The following TBR1 variants were observed in gnomAD, a reference collection of about 807,000 sequenced individuals.
The protein encoded by TBR1 is T-box brain protein 1.
In TBR1, 7 loss-of-function variants were observed where a neutral mutation model predicts 60.3. The observed-to-expected ratio is 0.12, with a 90% CI of 0.07 to 0.22. The LOEUF (loss-of-function observed/expected upper bound fraction) is 0.22, where lower values mean the gene tolerates loss of function less well. TBR1 is among the 10% of genes least tolerant of loss of function. TBR1 has a pLI of 1.00. For missense variants in TBR1, 616 were observed against 936.8 expected (o/e 0.66, Z 4.47); for synonymous variants, 417 against 409.9 (o/e 1.02, Z -0.21).
At chr2:161,418,803 CCCGGGCGCGCAG>C in intron 3 of TBR1, 77 bp from the exon 4 acceptor site, 1 of 1,502,980 alleles carries the variant, frequency 6.7e-7, no homozygotes, top group Admixed American at 2.2e-5. Context: ...CCTCCGCCGG[CCCGGGCGCGCAG>C]CCGGGCGCAC....
At chr2:161,421,050 T>C (rs1684223849) in intron 5 of TBR1, 1 of 152,258 alleles carries the variant, frequency 6.6e-6, no homozygotes, top group South Asian at 2.1e-4. Context: ...GTAAACTGAA[T>C]GCTTTCTGGG....
At chr2:161,420,417 T>TA in intron 5 of TBR1, 160 bp downstream of exon 5, 7 of 207,214 alleles carry the variant, frequency 3.4e-5, no homozygotes, top group East Asian at 6.9e-5. Flanking sequence ...TTCTTCCTCT[T>TA]CTTTTTTTTT....
At chr2:161,419,191 T>A in intron 4 of TBR1, 141 bp downstream of exon 4, 1 of 1,285,216 alleles carries the variant, frequency 7.8e-7, no homozygotes, top group South Asian at 1.4e-5. Flanking sequence ...TTTTAAGGCT[T>A]AGGGCTCGGG....
In TBR1 at chr2:161,423,704, A is replaced by G; in HGVS notation, c.1526A>G (p.Asn509Ser). The G allele has an allele frequency of 6.5e-7, 1 of 1,534,718 alleles. No homozygotes were observed. The highest frequency in any genetic ancestry group is 1.4e-5 in the African/African-American group (1 of 70,452). Residue 509 changes from asparagine (N) to serine (S), a missense_variant, in exon 6 of 6, where the codon AAC becomes AGC. Around this residue, in one of 8 missense-constraint regions of TBR1, gnomAD observed 210 missense variants for 297.4 expected, o/e 0.71. Coordinates refer to ENST00000389554, the MANE Select transcript of TBR1 (RefSeq NM_006593.4). ...AYDTATDFAG[N>S]AATLLSYAAA... ...GACACGGCCACGGACTTCGCGGGCA[A>G]CGCGGCCACGCTGCTCTCTTACGCG... is the stretch of plus-strand genomic sequence containing the variant.
intron 3 of TBR1, 83 bp downstream of exon 3, chr2:161,418,405 T>A (rs886714843): frequency 1.3e-6 from 2 of 1,499,458 alleles, no homozygotes; most frequent in Non-Finnish European, 1.8e-6. Context: ...AAGCAGCATA[T>A]GGAACTGGAT....
chr2:161,419,065 G>C lies in TBR1; in HGVS notation c.1128+15G>C. The stretch of plus-strand genomic sequence containing the variant: ...AGAACACGGATGTAAGGAGACCTAG[G>C]GGCTGGGGGCGAGGCGGGCGGCACA... On this transcript the variant is annotated intron_variant, in intron 4 of 5. Coordinates refer to ENST00000389554, the MANE Select transcript of TBR1 (RefSeq NM_006593.4). 6.2e-7 allele frequency: 1 copy of C among 1,613,772 alleles called. No homozygotes were observed. The highest frequency in any genetic ancestry group is 8.5e-7 in the Non-Finnish European group (1 of 1,179,896).
At position 161,424,015 on chromosome 2, in the gene TBR1, A is replaced by G. The variant is rs1382397027; in HGVS notation, c.1837A>G (p.Ser613Gly). Residue 613 changes from serine to glycine, a missense_variant, in exon 6 of 6, where the codon AGC (serine) becomes GGC (glycine). Ser to Gly is a moderately conservative substitution (Grantham distance 56). This residue lies in a region of TBR1 where 210 missense variants were observed against 297.4 expected (regional missense o/e 0.71). Coordinates refer to ENST00000389554, the MANE Select transcript of TBR1 (RefSeq NM_006593.4). The surrounding 1 kb of genome is among the most constrained non-coding windows in gnomAD (Gnocchi z 4.4). ...DAKPKDLSDS[S>G]WIETPSSIKS... is the part of the protein sequence containing the mutation. The stretch of plus-strand genomic sequence containing the variant: ...CAAGCCCAAGGACCTGTCCGATTCC[A>G]GCTGGATCGAGACGCCCTCCTCGAT... 3 of 1,582,300 alleles carry G rather than the reference A, an allele frequency of 1.9e-6. No homozygotes were observed. The highest frequency in any genetic ancestry group is 2.6e-6 in the Non-Finnish European group (3 of 1,164,790).
chr2:161,420,599 C>T (rs1010555641), intron 5 of TBR1: 15 of 191,686 alleles, frequency 7.8e-5, no homozygotes, highest in Admixed American at 1.2e-4. Context: ...CCCTGGTTCT[C>T]GGGTGCGAGT....
chr2:161,417,776 A>C lies in TBR1; in HGVS notation c.793A>C (p.Arg265=). The change falls in exon 2 of 6, where the codon AGG becomes CGG. Residue 265 remains arginine (R), a synonymous_variant. Coordinates refer to ENST00000389554, the MANE Select transcript of TBR1 (RefSeq NM_006593.4). The surrounding 1 kb of genome is among the most constrained non-coding windows in gnomAD (Gnocchi z 5.3). ...DVILADPNHW[R]FQGGKWVPCG... is the part of the protein sequence containing the mutation. ...GATTTTGGCGGATCCCAATCACTGG[A>C]GGTTTCAAGGAGGCAAATGGGTTCC... 1 of 1,614,142 alleles carries C rather than the reference A, an allele frequency of 6.2e-7. No homozygotes were observed. The highest frequency in any genetic ancestry group is 1.1e-5 in the South Asian group (1 of 91,082).
chr2:161,423,764 C>A lies in TBR1; in HGVS notation c.1586C>A (p.Ala529Glu). 2.7e-6 allele frequency: 4 copies of A among 1,488,522 alleles called. No homozygotes were observed. The highest frequency in any genetic ancestry group is 3.6e-6 in the Non-Finnish European group (4 of 1,125,252). The allele number at this position is 1,488,522 out of a possible 1,614,324, so 92.2% of individuals were successfully genotyped here. A position where few individuals can be genotyped will look rare whatever the true frequency, so the allele number is the denominator to read the frequency against. ...GTGAAGGCGCTGCCGCTGCAGGCTG[C>A]AGGCTGCACTGGCCGCCCGCTCGGC... ...AGVKALPLQA[A>E]GCTGRPLGYY... The change falls in exon 6 of 6, where the codon GCA becomes GAA. Residue 529 changes from alanine to glutamate, a missense_variant. Ala to Glu is a moderately radical substitution (Grantham distance 107). Coordinates refer to ENST00000389554, the MANE Select transcript of TBR1 (RefSeq NM_006593.4).
At position 161,424,189 on chromosome 2, in the gene TBR1, G is replaced by A; in HGVS notation, c.2011G>A (p.Asp671Asn). Residue 671 changes from aspartate (D) to asparagine (N), a missense_variant, in exon 6 of 6, where the codon GAC becomes AAC. Asp to Asn is a conservative substitution (Grantham distance 23). Coordinates refer to ENST00000389554, the MANE Select transcript of TBR1 (RefSeq NM_006593.4). The surrounding 1 kb of genome is among the most constrained non-coding windows in gnomAD (Gnocchi z 4.4). Reference protein sequence around the residue: ...QRDCEKNCAKDISGYYGFYSH... With the variant: ...QRDCEKNCAKNISGYYGFYSH... ...GGACTGCGAGAAGAACTGCGCCAAG[G>A]ACATTAGCGGCTACTATGGCTTCTA... The A allele has an allele frequency of 1.2e-6, 2 of 1,610,448 alleles. No individual in the cohort carries two copies. Among genetic ancestry groups the A allele is most frequent in the South Asian group, 1.1e-5 (1 of 90,458 alleles).
In TBR1 at chr2:161,417,989, G is replaced by A. The variant is rs1684159352; in HGVS notation, c.847+159G>A. 1 of 1,452,104 alleles carries A rather than the reference G, an allele frequency of 6.9e-7. No homozygotes were observed. The highest frequency in any genetic ancestry group is 9.1e-7 in the Non-Finnish European group (1 of 1,102,820). 90.0% of individuals were successfully genotyped at this position (1,452,104 alleles called of 1,614,324 possible). Reference sequence around the variant, plus strand: ...GGGGGACAGACTGAGCTGCGAGAAGGGGGAGGATTATGCAAAAGCTATTTT... The same window carrying A: ...GGGGGACAGACTGAGCTGCGAGAAGAGGGAGGATTATGCAAAAGCTATTTT... On this transcript the variant is annotated intron_variant, in intron 2 of 5. Transcript: ENST00000389554. This position sits in a 1 kb window ranked among gnomAD's most constrained non-coding sequence, Gnocchi z 5.3.
chr2:161,420,947 GT>G (rs1486527789), intron 5 of TBR1: 1 of 152,212 alleles, frequency 6.6e-6, no homozygotes, highest in Non-Finnish European at 1.5e-5. Context: ...ATCTAGGTGT[GT>G]TTTAATTAAA....
In TBR1 at chr2:161,423,472, C is replaced by T. The variant is rs879413429; in HGVS notation, c.1294C>T (p.Leu432=). 2 of 1,607,472 alleles carry T rather than the reference C, an allele frequency of 1.2e-6. No individual in the cohort carries two copies. The highest frequency in any genetic ancestry group is 2.7e-5 in the African/African-American group (2 of 74,426). ...GARYAMAGSF[L]QDQFVSNYAK... ...CCGCTACGCCATGGCCGGCTCTTTC[C>T]TGCAGGACCAGTTCGTGAGCAACTA... Residue 432 remains leucine, a synonymous_variant, in exon 6 of 6, where the codon CTG becomes TTG. Transcript: ENST00000389554.
chr2:161,420,336 A>AT (rs1036197838), intron 5 of TBR1, 79 bp downstream of exon 5: 24 of 1,128,710 alleles, frequency 2.1e-5, no homozygotes, highest in African/African-American at 1.1e-4. Context: ...ATGTACAAGG[A>AT]TTTTGAAAGC....
intron 5 of TBR1, chr2:161,422,071 G>A (rs1174515075): frequency 6.6e-6 from 1 of 152,214 alleles, no homozygotes; most frequent in East Asian, 1.9e-4. Flanking sequence ...TGGAGAAAGA[G>A]GGAGAAGTAT....
At chr2:161,418,786 C>A (rs1684177424) in intron 3 of TBR1, 106 bp from the exon 4 acceptor site, 4 of 1,442,148 alleles carry the variant, frequency 2.8e-6, no homozygotes, top group African/African-American at 1.5e-5. Context: ...AGGCGGGCTG[C>A]AGGCTGCCTC....
chr2:161,417,157 C>T lies in TBR1; in HGVS notation c.692+55C>T. On this transcript the variant is annotated intron_variant, in intron 1 of 5. Transcript: ENST00000389554. This position sits in a 1 kb window ranked among gnomAD's most constrained non-coding sequence, Gnocchi z 5.3. The stretch of plus-strand genomic sequence containing the variant: ...CTAGGCGCAGCCGGGGACAAGTGCA[C>T]CTAGGCTGTGACTGCCGCGGCAGCG... 2.0e-6 allele frequency: 3 copies of T among 1,506,172 alleles called. No homozygotes were observed. The highest frequency in any genetic ancestry group is 2.7e-6 in the Non-Finnish European group (3 of 1,123,172). The allele number at this position is 1,506,172 out of a possible 1,614,324, so 93.3% of individuals were successfully genotyped here.
chr2:161,423,735 G>C lies in TBR1; in HGVS notation c.1557G>C (p.Ala519=). The part of the protein sequence containing the change: ...NAATLLSYAA[A]GVKALPLQAA... ...CCACGCTGCTCTCTTACGCGGCGGC[G>C]GGCGTGAAGGCGCTGCCGCTGCAGG... Residue 519 remains alanine, a synonymous_variant, in exon 6 of 6, where the codon GCG becomes GCC. Transcript: ENST00000389554. 5 of 1,516,136 alleles carry C rather than the reference G, an allele frequency of 3.3e-6. No homozygotes were observed. The highest frequency in any genetic ancestry group is 4.4e-6 in the Non-Finnish European group (5 of 1,139,886). The allele number at this position is 1,516,136 out of a possible 1,614,324, so 93.9% of individuals were successfully genotyped here.
Sources: allele counts gnomAD v4.1 joint callset, GRCh38; gene constraint gnomAD v4.1.1; regional missense constraint gnomAD v4.1.1; non-coding constraint Gnocchi (gnomAD v3.1); transcripts MANE v1.5; gene names NCBI Gene and HGNC (gene_info 2026-07-23, HGNC 2026-07-21).